Variants in MYO10 observed in about 807,000 individuals in gnomAD.
MYO10 encodes unconventional myosin-X.
In MYO10, 133 loss-of-function variants were observed where a neutral mutation model predicts 257.3. The ratio of observed to expected loss-of-function variants is 0.52; its 90% confidence interval spans 0.45 to 0.60. The LOEUF is 0.60. MYO10 is among the 20% of genes least tolerant of loss of function. MYO10 has a pLI of 0.00. For missense variants in MYO10, 2,399 were observed against 2,635.7 expected (o/e 0.91, Z 1.97); for synonymous variants, 1,104 against 1,028.6 (o/e 1.07, Z -1.40).
intron 26 of MYO10, among the ~76,000 whole-genome samples, chr5:16,696,223 C>G (rs902769865): frequency 1.3e-5 from 2 of 152,156 alleles, no homozygotes; most frequent in Non-Finnish European, 2.9e-5. Context: ...TTTGCAATTT[C>G]AGGCCCTCTC....
intron 1 of MYO10, among the ~76,000 whole-genome samples, chr5:16,888,437 A>G (rs1313471120): frequency 1.3e-5 from 2 of 151,868 alleles, no homozygotes; most frequent in Non-Finnish European, 2.9e-5. Flanking sequence ...CTCTACTAAA[A>G]ATACAAAATT....
chr5:16,681,630 A>G, intron 31 of MYO10, 127 bp from the exon 32 acceptor site: 1 of 1,113,714 alleles, frequency 9.0e-7, no homozygotes, highest in Non-Finnish European at 1.3e-6. Context: ...GACCACGAAC[A>G]CCCCAACCCG....
At chr5:16,744,192 A>C (rs1740106092) in intron 19 of MYO10, among the ~76,000 whole-genome samples, 1 of 152,236 alleles carries the variant, frequency 6.6e-6, no homozygotes, top group African/African-American at 2.4e-5. Context: ...TTTGGGATTA[A>C]ATTTGTTAGG....
chr5:16,850,367 G>T (rs963811197), intron 2 of MYO10, among the ~76,000 whole-genome samples: 1 of 152,072 alleles, frequency 6.6e-6, no homozygotes, highest in Non-Finnish European at 1.5e-5. Context: ...TCCACCTCCT[G>T]GGTTCAAGCG....
At chr5:16,735,499 G>C (rs1739756618) in intron 19 of MYO10, among the ~76,000 whole-genome samples, 1 of 152,030 alleles carries the variant, frequency 6.6e-6, no homozygotes, top group Admixed American at 6.6e-5. Context: ...GAGCCCAGGA[G>C]TTCGAGATCA....
chr5:16,797,739 G>T (rs1742010828), intron 3 of MYO10, among the ~76,000 whole-genome samples: 1 of 152,268 alleles, frequency 6.6e-6, no homozygotes, highest in African/African-American at 2.4e-5. Flanking sequence ...TAAGTCCATA[G>T]AAACAGCAAG....
chr5:16,914,375 T>C (rs1230076076), intron 1 of MYO10, among the ~76,000 whole-genome samples: 1 of 152,134 alleles, frequency 6.6e-6, no homozygotes, highest in Admixed American at 6.5e-5. Context: ...CTAAGAAGCC[T>C]GCAAGCCCAT....
intron 2 of MYO10, among the ~76,000 whole-genome samples, chr5:16,818,879 T>C (rs1335155837): frequency 6.6e-6 from 1 of 152,246 alleles, no homozygotes; most frequent in African/African-American, 2.4e-5. Flanking sequence ...GCATTATTTC[T>C]CCATTTGATA....
At chr5:16,836,776 A>T (rs1743324493) in intron 2 of MYO10, among the ~76,000 whole-genome samples, 1 of 152,200 alleles carries the variant, frequency 6.6e-6, no homozygotes, top group Admixed American at 6.5e-5. Flanking sequence ...ACGCTTTGGA[A>T]AACAGTCTGG....
chr5:16,700,914 GGT>G (rs1554036462), intron 25 of MYO10, 47 bp downstream of exon 25: 3 of 1,497,248 alleles, frequency 2.0e-6, no homozygotes, highest in Non-Finnish European at 2.7e-6. Context: ...AACAGGGGTG[GGT>G]GTGACCGGCC....
At chr5:16,831,019 T>C (rs1743147865) in intron 2 of MYO10, among the ~76,000 whole-genome samples, 1 of 152,124 alleles carries the variant, frequency 6.6e-6, no homozygotes, top group Admixed American at 6.6e-5. Flanking sequence ...CTGGCTGGGA[T>C]GTTACGCTCT....
Position 16,701,880 on chromosome 5 carries a change from A to C in MYO10, c.2557-42T>G. The C allele has an allele frequency of 6.5e-7, 1 of 1,543,502 alleles. No homozygotes were observed. ...GGGAGATTTCAGAAGGCTTCAGTAC[A>C]AAAGTCCAAGCATAGCTCCCGCTTT... On this transcript the variant is annotated intron_variant, in intron 24 of 40. Coordinates refer to ENST00000513610, the MANE Select transcript of MYO10 (RefSeq NM_012334.3). This position sits in a 1 kb window ranked among gnomAD's most constrained non-coding sequence, Gnocchi z 8.1.
Position 16,773,103 on chromosome 5 carries a change from A to C in MYO10, c.931-3900T>G, listed in dbSNP as rs565594783. Among the ~76,000 whole-genome samples the C allele has an allele frequency of 7.9e-5, 12 of 152,362 alleles. No individual in the cohort carries two copies. The South Asian group carries it at 2.5e-3, about 32-fold the overall frequency. On this transcript the variant is annotated intron_variant, in intron 9 of 40. Transcript: ENST00000513610. ...AATAAAGTTGATTATAAAAATTAAA[A>C]TACCATAAATTACTTGAAGGTGGGA...
At chr5:16,679,056 G>A (rs866356215) in intron 33 of MYO10, among the ~76,000 whole-genome samples, 9 of 152,294 alleles carry the variant, frequency 5.9e-5, no homozygotes, top group Middle Eastern at 3.4e-3. Flanking sequence ...TTTACTGAGC[G>A]ACTACACGTA....
chr5:16,726,603 T>C (rs1166475357), intron 19 of MYO10, among the ~76,000 whole-genome samples: 1 of 152,208 alleles, frequency 6.6e-6, no homozygotes, highest in Non-Finnish European at 1.5e-5. Context: ...CCACTAGCTA[T>C]GCGGCTCTTC....
chr5:16,773,050 G>C (rs924929557), intron 9 of MYO10, among the ~76,000 whole-genome samples: 10 of 152,098 alleles, frequency 6.6e-5, no homozygotes, highest in South Asian at 6.2e-4. Context: ...TTAAATGGAC[G>C]TATTTAATTA....
intron 17 of MYO10, 73 bp downstream of exon 17, chr5:16,761,391 T>C: frequency 8.3e-7 from 1 of 1,204,328 alleles, no homozygotes; most frequent in Non-Finnish European, 1.2e-6. Flanking sequence ...TTGTTCTATA[T>C]TTGTGAATTA....
intron 1 of MYO10, among the ~76,000 whole-genome samples, chr5:16,900,757 T>G (rs1204488657): frequency 6.2e-4 from 94 of 150,986 alleles, no homozygotes; most frequent in Non-Finnish European, 1.3e-3. Context: ...TTTTTTTTTT[T>G]GAGACAGAGT....
chr5:16,870,750 G>T (rs1744432964), intron 2 of MYO10, among the ~76,000 whole-genome samples: 3 of 151,970 alleles, frequency 2.0e-5, no homozygotes, highest in South Asian at 4.2e-4. Flanking sequence ...AAATTAGCCG[G>T]GCATGGTGGC....
Sources: gnomAD v4.1 joint callset for allele counts (sites outside exome capture counted in the v4.1 genomes callset) on GRCh38, gnomAD v4.1.1 for gene constraint, Gnocchi (gnomAD v3.1) non-coding constraint, MANE v1.5 for transcripts, NCBI Gene and HGNC (gene_info 2026-07-23, HGNC 2026-07-21) for gene names.